RALYL: variants seen among roughly 807,000 people sequenced by gnomAD.
RALYL encodes RALY RNA binding protein like, also known as RNA-binding Raly-like protein.
A neutral mutation model predicts 35.1 loss-of-function variants in RALYL; 29 were observed. The ratio of observed to expected loss-of-function variants is 0.83; its 90% CI spans 0.61 to 1.13. RALYL has a LOEUF of 1.13. Ranked by LOEUF, RALYL falls within the 50% of genes most tolerant of loss-of-function variation. The probability of loss-of-function intolerance (pLI) is 0.00; values close to 1 mark genes in which losing one functional copy is unlikely to be tolerated. For missense variants in RALYL, 359 were observed against 360.4 expected (o/e 1.00, Z 0.03); for synonymous variants, 120 against 127.6 (o/e 0.94, Z 0.40).
At chr8:84,513,202 T>A (rs533582667) in intron 1 of RALYL, among the ~76,000 whole-genome samples, 1 of 152,292 alleles carries the variant, frequency 6.6e-6, no homozygotes, top group Non-Finnish European at 1.5e-5. Context: ...CTTTCATCAG[T>A]AGATGTTTTT....
intron 2 of RALYL, among the ~76,000 whole-genome samples, chr8:84,602,714 A>T (rs1443016628): frequency 3.3e-5 from 5 of 152,120 alleles, no homozygotes; most frequent in Admixed American, 3.3e-4. Context: ...ATAGCTATTG[A>T]GTAAATGATA....
intron 1 of RALYL, among the ~76,000 whole-genome samples, chr8:84,213,246 C>A (rs2131195904): frequency 6.6e-6 from 1 of 152,124 alleles, no homozygotes; most frequent in African/African-American, 2.4e-5. Flanking sequence ...CAAAAATTAG[C>A]TAGGCATGGT....
chr8:84,380,079 G>GTGTC (rs1054131266), intron 1 of RALYL, among the ~76,000 whole-genome samples: 2 of 151,664 alleles, frequency 1.3e-5, no homozygotes, highest in African/African-American at 4.8e-5. Context: ...GTGTGTGTGT[G>GTGTC]TGTGGTGTAC....
At chr8:84,676,280 A>T (rs1332250654) in intron 2 of RALYL, among the ~76,000 whole-genome samples, 2 of 152,248 alleles carry the variant, frequency 1.3e-5, no homozygotes, top group Non-Finnish European at 1.5e-5. Context: ...CTATGACTAT[A>T]TCAGAAATGC....
chr8:84,365,336 T>G (rs527546027), intron 1 of RALYL, among the ~76,000 whole-genome samples: 1 of 152,280 alleles, frequency 6.6e-6, no homozygotes, highest in East Asian at 1.9e-4. Context: ...GCTAAACATG[T>G]TTTTCCTTTT....
At chr8:84,219,323 C>T (rs1016664865) in intron 1 of RALYL, among the ~76,000 whole-genome samples, 15 of 152,018 alleles carry the variant, frequency 9.9e-5, no homozygotes, top group Admixed American at 7.2e-4. Flanking sequence ...TCCTTCCTCC[C>T]TCCTTGTGAA....
At chr8:84,241,648 C>G (rs773427581) in intron 1 of RALYL, among the ~76,000 whole-genome samples, 1 of 151,724 alleles carries the variant, frequency 6.6e-6, no homozygotes, top group Non-Finnish European at 1.5e-5. Context: ...CTTGGGGGTG[C>G]GTGCCTGTAG....
intron 1 of RALYL, among the ~76,000 whole-genome samples, chr8:84,423,417 T>C (rs2045928431): frequency 6.6e-6 from 1 of 151,552 alleles, no homozygotes; most frequent in Admixed American, 6.6e-5. Flanking sequence ...TCTTCCTCCA[T>C]CCTTTTATTT....
At chr8:84,867,937 A>G (rs533946177) in intron 6 of RALYL, among the ~76,000 whole-genome samples, 60 of 152,326 alleles carry the variant, frequency 3.9e-4, no homozygotes, top group Admixed American at 8.5e-4. Context: ...GGGACCAGAA[A>G]ATTTAAAAAT....
At chr8:84,553,586 C>G (rs1382714758) in intron 2 of RALYL, among the ~76,000 whole-genome samples, 1 of 152,054 alleles carries the variant, frequency 6.6e-6, no homozygotes, top group African/African-American at 2.4e-5. Flanking sequence ...GTTTTGGGGA[C>G]TGAGATCTGT....
intron 2 of RALYL, among the ~76,000 whole-genome samples, chr8:84,745,518 G>A (rs561643358): frequency 6.6e-6 from 1 of 152,086 alleles, no homozygotes; most frequent in South Asian, 2.1e-4. Flanking sequence ...TTGTGTCACA[G>A]CATTACTCTC....
At chr8:84,499,526 A>C (rs2056439729) in intron 1 of RALYL, among the ~76,000 whole-genome samples, 1 of 152,170 alleles carries the variant, frequency 6.6e-6, no homozygotes, top group African/African-American at 2.4e-5. Context: ...TGTGGCAAAC[A>C]CTGAGCAGAG....
chr8:84,678,155 G>A (rs1834598372), intron 2 of RALYL, among the ~76,000 whole-genome samples: 1 of 152,026 alleles, frequency 6.6e-6, no homozygotes, highest in Non-Finnish European at 1.5e-5. Flanking sequence ...TTGTCTATAT[G>A]GGAATGGACA....
In RALYL at chr8:84,835,547, G is replaced by A. The variant is rs182394582; in HGVS notation, c.366-14433G>A. On this transcript the variant is annotated intron_variant, in intron 4 of 8. Coordinates refer to ENST00000521268, the MANE Select transcript of RALYL (RefSeq NM_173848.7). ...AAAAATACAAAATTAGCTGGGCATG[G>A]TGGTGCATGCCTGTAATCCCAGCTA... 6.6e-3 allele frequency among the ~76,000 whole-genome samples: 1,002 copies of A among 151,010 alleles called. 10 individuals are homozygous for A. Among genetic ancestry groups the A allele is most frequent in the Middle Eastern group, 0.01 (3 of 290 alleles).
At chr8:84,387,980 G>A (rs937568100) in intron 1 of RALYL, among the ~76,000 whole-genome samples, 3 of 151,736 alleles carry the variant, frequency 2.0e-5, no homozygotes, top group Admixed American at 2.0e-4. Flanking sequence ...ATCTCCCAAT[G>A]CTATCCCTCC....
In RALYL at chr8:84,668,598, A is replaced by T. The variant is rs547049706; in HGVS notation, c.257-105981A>T. ...TAGCAAGGTCACTTATAAAGTTATT[A>T]TCTAAACTTGAATAATCACAGTTGG... On this transcript the variant is annotated intron_variant, in intron 2 of 8. Transcript: ENST00000521268. Among the ~76,000 whole-genome samples, 4 of 152,290 alleles carry T rather than the reference A, an allele frequency of 2.6e-5. No homozygotes were observed. The East Asian group carries it at 7.7e-4, about 29-fold the overall frequency.
intron 2 of RALYL, among the ~76,000 whole-genome samples, chr8:84,729,755 C>A (rs1170196244): frequency 1.3e-5 from 2 of 152,136 alleles, no homozygotes; most frequent in East Asian, 3.9e-4. Context: ...ACTACAAACA[C>A]CTCTACGCAA....
At chr8:84,237,793 A>G (rs1437018485) in intron 1 of RALYL, among the ~76,000 whole-genome samples, 1 of 152,160 alleles carries the variant, frequency 6.6e-6, no homozygotes, top group Non-Finnish European at 1.5e-5. Flanking sequence ...AAGCATTTGC[A>G]TATGTGAAAG....
At chr8:84,367,347 T>G (rs1360571358) in intron 1 of RALYL, among the ~76,000 whole-genome samples, 8 of 94,046 alleles carry the variant, frequency 8.5e-5, no homozygotes, top group African/African-American at 3.9e-4. Flanking sequence ...TTTTTTTTTT[T>G]TTTTTTTTTT....
Sources: allele counts gnomAD v4.1 joint callset (sites outside exome capture counted in the v4.1 genomes callset), GRCh38; gene constraint gnomAD v4.1.1; transcripts MANE v1.5; gene names NCBI Gene and HGNC (gene_info 2026-07-23, HGNC 2026-07-21).